Variants in RGS6 observed in about 807,000 individuals in gnomAD.
RGS6 encodes regulator of G protein signaling 6.
Under a neutral mutation model 78.5 loss-of-function variants are expected in RGS6, and 30 were observed. The observed-to-expected ratio is 0.38, with a 90% CI of 0.29 to 0.52. RGS6 has a LOEUF of 0.52. RGS6 is among the 20% of genes least tolerant of loss of function. The pLI, the probability that RGS6 is intolerant of heterozygous loss-of-function variation, is 0.85. For synonymous variants in RGS6, 206 were observed against 206.0 expected (o/e 1.00, Z 0.00); for missense variants, 495 against 609.7 (o/e 0.81, Z 1.98).
At chr14:72,266,921 C>G (rs1310858733) in intron 2 of RGS6, among the ~76,000 whole-genome samples, 1 of 152,138 alleles carries the variant, frequency 6.6e-6, no homozygotes, top group Non-Finnish European at 1.5e-5. Context: ...GCAGGCTGAC[C>G]CCAGTCCACC....
intron 2 of RGS6, among the ~76,000 whole-genome samples, chr14:72,135,911 G>T (rs2096431406): frequency 6.6e-6 from 1 of 151,892 alleles, no homozygotes; most frequent in Non-Finnish European, 1.5e-5. Context: ...GAGGAGGAGG[G>T]GGAGGAAAAG....
chr14:72,097,981 G>C (rs973718851), intron 2 of RGS6, among the ~76,000 whole-genome samples: 5 of 152,096 alleles, frequency 3.3e-5, no homozygotes, highest in Non-Finnish European at 5.9e-5. Flanking sequence ...CCAATGTCTG[G>C]TAGCAATTGT....
rs547758116 is a variant in RGS6, at chr14:72,035,836, A to T, written c.84+70961A>T. Reference sequence around the variant, plus strand: ...TGCTCAGCACATCTACATTTTATTTATTTGTTTTAACTTCTTAAAATTTTA... The same window carrying T: ...TGCTCAGCACATCTACATTTTATTTTTTTGTTTTAACTTCTTAAAATTTTA... On this transcript the variant is annotated intron_variant, in intron 2 of 17. Transcript: ENST00000553525. Among the ~76,000 whole-genome samples, 3 of 152,240 alleles carry T rather than the reference A, an allele frequency of 2.0e-5. No homozygotes were observed. In the East Asian group the frequency reaches 5.8e-4, roughly 29 times the overall value.
chr14:71,948,402 C>T (rs1206139464), intron 1 of RGS6, among the ~76,000 whole-genome samples: 8 of 152,160 alleles, frequency 5.3e-5, no homozygotes, highest in Non-Finnish European at 1.0e-4. Context: ...CAATTATAAC[C>T]CTGCCATGAT....
chr14:72,578,733 C>A, the RGS6 span, among the ~76,000 whole-genome samples: 1 of 152,184 alleles, frequency 6.6e-6, no homozygotes, highest in Admixed American at 6.5e-5. Flanking sequence ...GTAAAAGGAA[C>A]TATAAAAGCA....
At chr14:72,351,970 G>T in intron 2 of RGS6, 125 bp from the exon 3 acceptor site, 1 of 681,312 alleles carries the variant, frequency 1.5e-6, no homozygotes, top group Non-Finnish European at 2.5e-6. Context: ...TGACCAACTA[G>T]ATGGGAGCTT....
the RGS6 span, among the ~76,000 whole-genome samples, chr14:71,889,767 C>A: frequency 6.6e-6 from 1 of 152,052 alleles, no homozygotes; most frequent in South Asian, 2.1e-4. Context: ...GGAGGTGGGG[C>A]CTGGTGGGAG....
At chr14:72,024,359 A>C (rs936302788) in intron 2 of RGS6, among the ~76,000 whole-genome samples, 1 of 152,090 alleles carries the variant, frequency 6.6e-6, no homozygotes, top group Admixed American at 6.5e-5. Context: ...GACTTTCTTT[A>C]CTTGAGTCAA....
chr14:72,150,039 C>A (rs2096661871), intron 2 of RGS6, among the ~76,000 whole-genome samples: 1 of 152,164 alleles, frequency 6.6e-6, no homozygotes, highest in African/African-American at 2.4e-5. Flanking sequence ...GTGTTCCTCC[C>A]AAATTCACGT....
chr14:72,437,194 A>T (rs529356686), intron 3 of RGS6, among the ~76,000 whole-genome samples: 1 of 140,674 alleles, frequency 7.1e-6, no homozygotes, highest in Non-Finnish European at 1.6e-5. Flanking sequence ...AAAAAAAATT[A>T]GCCAGGCATG....
At chr14:72,044,906 C>T (rs570466402) in intron 2 of RGS6, among the ~76,000 whole-genome samples, 118 of 152,112 alleles carry the variant, frequency 7.8e-4, no homozygotes, top group African/African-American at 2.7e-3. Context: ...ACAAAAAAAC[C>T]CAAAAAACTC....
intron 3 of RGS6, among the ~76,000 whole-genome samples, chr14:72,393,904 G>A (rs1029208110): frequency 6.6e-6 from 1 of 152,180 alleles, no homozygotes; most frequent in Non-Finnish European, 1.5e-5. Flanking sequence ...ATAATTAGGT[G>A]TCTTAAAAAT....
chr14:72,058,645 T>A (rs1381383641), intron 2 of RGS6, among the ~76,000 whole-genome samples: 1 of 152,234 alleles, frequency 6.6e-6, no homozygotes, highest in South Asian at 2.1e-4. Flanking sequence ...CACTCACTTA[T>A]GGACCTATAG....
At chr14:72,576,644 T>C in the RGS6 span, among the ~76,000 whole-genome samples, 6 of 152,242 alleles carry the variant, frequency 3.9e-5, no homozygotes. Context: ...TACTTGTTCT[T>C]TGAGCCATGC....
At chr14:72,456,455 AATTTTTTGTTTT>A (rs1020386996) in intron 4 of RGS6, among the ~76,000 whole-genome samples, 2 of 152,170 alleles carry the variant, frequency 1.3e-5, no homozygotes, top group Admixed American at 1.3e-4. Flanking sequence ...ACATCCAGCT[AATTTTTTGTTTT>A]ATTTTTTGTA....
intron 2 of RGS6, among the ~76,000 whole-genome samples, chr14:72,195,478 A>G (rs1488807736): frequency 1.3e-5 from 2 of 152,170 alleles, no homozygotes; most frequent in Non-Finnish European, 2.9e-5. Context: ...GGAGAGAGAA[A>G]AAAGAGGGCC....
At chr14:72,361,440 A>G (rs574229583) in intron 3 of RGS6, among the ~76,000 whole-genome samples, 1 of 152,310 alleles carries the variant, frequency 6.6e-6, no homozygotes, top group East Asian at 1.9e-4. Flanking sequence ...TGGCAAAGAA[A>G]TTTTGGAGTT....
chr14:72,597,012 G>A, the RGS6 span, among the ~76,000 whole-genome samples: 233 of 152,310 alleles, frequency 1.5e-3, no homozygotes, highest in African/African-American at 5.3e-3. Flanking sequence ...GCCAAAGTAG[G>A]TAGATAACTG....
chr14:72,198,197 C>CA (rs1319960990), intron 2 of RGS6, among the ~76,000 whole-genome samples: 2 of 151,974 alleles, frequency 1.3e-5, no homozygotes, highest in East Asian at 1.9e-4. Flanking sequence ...CCCATCTCTA[C>CA]AAAAAATAAG....
Sources: allele counts gnomAD v4.1 joint callset (sites outside exome capture counted in the v4.1 genomes callset), GRCh38; gene constraint gnomAD v4.1.1; transcripts MANE v1.5; gene names NCBI Gene and HGNC (gene_info 2026-07-23, HGNC 2026-07-21).